Variants in SPIN1 observed in about 807,000 individuals in gnomAD.
The protein encoded by SPIN1 is spindlin 1, also known as spindlin-1.
Under a neutral mutation model 26.0 loss-of-function variants are expected in SPIN1, and 3 were observed. That is an observed-to-expected ratio of 0.12 (90% CI 0.05 to 0.30). The LOEUF (loss-of-function observed/expected upper bound fraction) is 0.30, where lower values mean the gene tolerates loss of function less well. SPIN1 is among the 10% of genes least tolerant of loss of function. The probability of loss-of-function intolerance (pLI) is 1.00; values close to 1 mark genes in which losing one functional copy is unlikely to be tolerated. For synonymous variants in SPIN1, 101 were observed against 116.5 expected (o/e 0.87, Z 0.86); for missense variants, 126 against 333.4 (o/e 0.38, Z 4.84).
At chr9:88,394,934 T>G (rs867054379) in intron 1 of SPIN1, among the ~76,000 whole-genome samples, 1 of 150,464 alleles carries the variant, frequency 6.6e-6, no homozygotes, top group Non-Finnish European at 1.5e-5. Context: ...CTCAGCCTCC[T>G]GAGTAGCTGG....
At chr9:88,432,871 C>T (rs541467728) in intron 2 of SPIN1, among the ~76,000 whole-genome samples, 2 of 152,034 alleles carry the variant, frequency 1.3e-5, no homozygotes, top group Admixed American at 1.3e-4. Flanking sequence ...TAATTTCAGT[C>T]AGCAACTTAA....
rs1828914120 is a variant in SPIN1, at chr9:88,477,820, G to A, written c.*2543G>A. On this transcript the variant is annotated 3_prime_UTR_variant, in exon 6 of 6. Transcript: ENST00000375859. ...ATTTATCGGCCTTTCTCATTTACCT[G>A]CTCTAGTATTATTGTATTGTGTGTG... The A allele has an allele frequency of 6.6e-6, 1 of 152,228 alleles. No homozygotes were observed. Among genetic ancestry groups the A allele is most frequent in the Non-Finnish European group, 1.5e-5 (1 of 68,008 alleles). The allele number at this position is 152,228 out of a possible 1,614,324, so 9.4% of individuals were successfully genotyped here.
intron 5 of SPIN1, among the ~76,000 whole-genome samples, chr9:88,472,563 G>T (rs1828809971): frequency 6.6e-6 from 1 of 151,886 alleles, no homozygotes; most frequent in Non-Finnish European, 1.5e-5. Flanking sequence ...CACGATCTTG[G>T]CTCACTACAA....
intron 2 of SPIN1, among the ~76,000 whole-genome samples, chr9:88,444,963 G>A (rs2118115371): frequency 6.6e-6 from 1 of 152,230 alleles, no homozygotes; most frequent in East Asian, 1.9e-4. Flanking sequence ...CAAAGTGCTG[G>A]GATTACAGGC....
At chr9:88,389,472 G>C (rs1302820229) in intron 1 of SPIN1, 1 of 152,130 alleles carries the variant, frequency 6.6e-6, no homozygotes, top group Non-Finnish European at 1.5e-5. Flanking sequence ...TTTGTTTATG[G>C]AATTGTTTTT....
intron 2 of SPIN1, among the ~76,000 whole-genome samples, chr9:88,428,293 ATAC>A (rs1360179984): frequency 2.0e-5 from 3 of 152,238 alleles, no homozygotes; most frequent in African/African-American, 7.2e-5. Flanking sequence ...GATAGTGAAC[ATAC>A]TAGTTCCAGC....
intron 2 of SPIN1, among the ~76,000 whole-genome samples, chr9:88,436,713 G>A (rs777542738): frequency 2.1e-5 from 3 of 145,848 alleles, no homozygotes; most frequent in Non-Finnish European, 4.5e-5. Flanking sequence ...GATTGGATTC[G>A]TTCACTTAGT....
chr9:88,390,142 G>T (rs966818521), intron 1 of SPIN1, among the ~76,000 whole-genome samples: 2 of 152,160 alleles, frequency 1.3e-5, no homozygotes, highest in African/African-American at 4.8e-5. Context: ...TTATGAACTG[G>T]GTCAAGGCAA....
At chr9:88,404,388 G>C (rs1332280841) in intron 1 of SPIN1, among the ~76,000 whole-genome samples, 1 of 152,128 alleles carries the variant, frequency 6.6e-6, no homozygotes, top group African/African-American at 2.4e-5. Context: ...AGTCTTGGCT[G>C]CTACAGTCAG....
At chr9:88,466,937 A>G (rs1460733849) in intron 4 of SPIN1, among the ~76,000 whole-genome samples, 1 of 152,080 alleles carries the variant, frequency 6.6e-6, no homozygotes, top group Non-Finnish European at 1.5e-5. Flanking sequence ...GGGTTTTGTC[A>G]TGTTGCCCAG....
intron 2 of SPIN1, among the ~76,000 whole-genome samples, chr9:88,433,532 G>A (rs1383622582): frequency 1.3e-5 from 2 of 152,176 alleles, no homozygotes. Context: ...CAAGATGATG[G>A]CAAGCTGTCT....
intron 5 of SPIN1, among the ~76,000 whole-genome samples, chr9:88,472,355 C>G (rs147195255): frequency 3.0e-4 from 45 of 152,286 alleles, no homozygotes; most frequent in African/African-American, 1.0e-3. Context: ...CTGCCTCAGC[C>G]TCCCGGGTAG....
intron 1 of SPIN1, among the ~76,000 whole-genome samples, chr9:88,390,426 G>C (rs1267181216): frequency 5.3e-5 from 8 of 152,168 alleles, no homozygotes; most frequent in Admixed American, 6.6e-5. Context: ...GCTGCCAGAG[G>C]TTTAGGTGGT....
At chr9:88,430,623 T>C (rs1827849772) in intron 2 of SPIN1, among the ~76,000 whole-genome samples, 1 of 152,202 alleles carries the variant, frequency 6.6e-6, no homozygotes, top group Non-Finnish European at 1.5e-5. Context: ...ATTGAGGAAA[T>C]ATTTGAAAGT....
intron 3 of SPIN1, 32 bp from the exon 4 acceptor site, chr9:88,462,464 A>G (rs1210908247): frequency 1.2e-6 from 2 of 1,601,914 alleles, no homozygotes; most frequent in East Asian, 2.2e-5. Flanking sequence ...CTTTTGAGAT[A>G]ATACCTTATG....
chr9:88,398,261 C>G (rs1261659171), intron 1 of SPIN1, among the ~76,000 whole-genome samples: 1 of 151,836 alleles, frequency 6.6e-6, no homozygotes, highest in South Asian at 2.1e-4. Context: ...GTCTGAAGTT[C>G]TTGAATTTTT....
At chr9:88,400,249 C>T (rs1292485681) in intron 1 of SPIN1, among the ~76,000 whole-genome samples, 1 of 152,094 alleles carries the variant, frequency 6.6e-6, no homozygotes, top group Non-Finnish European at 1.5e-5. Context: ...ATGCTGCACT[C>T]TAAAAGATTG....
chr9:88,433,288 G>T (rs1454091280), intron 2 of SPIN1, among the ~76,000 whole-genome samples: 2 of 152,090 alleles, frequency 1.3e-5, no homozygotes, highest in Non-Finnish European at 2.9e-5. Flanking sequence ...TCGCCATGTT[G>T]CCCAGGCTGG....
chr9:88,419,324 A>G (rs1318247634), intron 1 of SPIN1, among the ~76,000 whole-genome samples: 1 of 152,094 alleles, frequency 6.6e-6, no homozygotes, highest in Non-Finnish European at 1.5e-5. Context: ...CTCTCTTTAA[A>G]TTAGCCAATT....
Sources: gnomAD v4.1 joint callset for allele counts (sites outside exome capture counted in the v4.1 genomes callset) on GRCh38, gnomAD v4.1.1 for gene constraint, MANE v1.5 for transcripts, NCBI Gene and HGNC (gene_info 2026-07-23, HGNC 2026-07-21) for gene names.